Variants in CSN2 observed in about 807,000 individuals in gnomAD.
The protein encoded by CSN2 is casein beta, also known as beta-casein.
Under a neutral mutation model 27.3 loss-of-function variants are expected in CSN2, and 27 were observed. The ratio of observed to expected loss-of-function variants is 0.99; its 90% CI spans 0.73 to 1.36. The LOEUF is 1.36. CSN2 is among the 40% of genes most tolerant of loss of function. The probability of loss-of-function intolerance (pLI) is 0.00; values close to 1 mark genes in which losing one functional copy is unlikely to be tolerated. For missense variants in CSN2, 333 were observed against 264.5 expected (o/e 1.26, Z -1.80); for synonymous variants, 131 against 94.8 (o/e 1.38, Z -2.22).
chr4:69,958,964 A>T lies in CSN2; in HGVS notation c.100-11T>A. On this transcript the variant is annotated splice_polypyrimidine_tract_variant and intron_variant, in intron 4 of 7. Coordinates refer to ENST00000353151, the MANE Select transcript of CSN2 (RefSeq NM_001891.4). The stretch of plus-strand genomic sequence containing the variant: ...CTTCTCAACTTTCTGCTAAAGATAT[A>T]TCATATATAAAGATATGTTACCATC... 6.3e-7 allele frequency: 1 copy of T among 1,591,082 alleles called. No individual in the cohort carries two copies. Among genetic ancestry groups the T allele is most frequent in the Non-Finnish European group, 8.6e-7 (1 of 1,163,440 alleles).
At chr4:69,963,169 T>A (rs1353345699) in intron 1 of CSN2, among the ~76,000 whole-genome samples, 3 of 152,112 alleles carry the variant, frequency 2.0e-5, no homozygotes, top group East Asian at 3.9e-4. Context: ...ATTGTGGAAG[T>A]CAGTGTGGCG....
In CSN2 at chr4:69,962,494, C is replaced by A. The variant is rs1003232975; in HGVS notation, c.-12-1487G>T. ...AAACAAGCAATGGGGAAAGGATTCCCTATTTAATAAATGGTGCTGGGAAAA... is the reference window on the plus strand; with the variant it reads ...AAACAAGCAATGGGGAAAGGATTCCATATTTAATAAATGGTGCTGGGAAAA... On this transcript the variant is annotated intron_variant, in intron 1 of 7. Coordinates refer to ENST00000353151, the MANE Select transcript of CSN2 (RefSeq NM_001891.4). 4.6e-4 allele frequency among the ~76,000 whole-genome samples: 70 copies of A among 152,270 alleles called. 1 individual carries two copies. Among genetic ancestry groups the A allele is most frequent in the African/African-American group, 1.6e-3 (67 of 41,570 alleles).
In CSN2 at chr4:69,957,459, G is replaced by A; in HGVS notation, c.490C>T (p.Pro164Ser). 1 of 1,613,796 alleles carries A rather than the reference G, an allele frequency of 6.2e-7. No homozygotes were observed. The highest frequency in any genetic ancestry group is 1.1e-5 in the South Asian group (1 of 91,072). Residue 164 changes from proline (P) to serine (S), a missense_variant, in exon 6 of 8, where the codon CCC (proline) becomes TCC (serine). Transcript: ENST00000353151. ...GGAACAGACCACAGGGGCTGAGGGG[G>A]AAGTGCAAGAGTCTGAGGAATAGGC... Reference protein sequence around the residue: ...PQPIPQTLALPPQPLWSVPQP... With the variant: ...PQPIPQTLALSPQPLWSVPQP...
chr4:69,957,801 C>T lies in CSN2; in HGVS notation c.148G>A (p.Glu50Lys). The T allele has an allele frequency of 6.2e-7, 1 of 1,609,092 alleles. No individual in the cohort carries two copies. The highest frequency in any genetic ancestry group is 8.5e-7 in the Non-Finnish European group (1 of 1,177,080). Residue 50 changes from glutamate to lysine, a missense_variant, in exon 6 of 8, where the codon GAA becomes AAA. Transcript: ENST00000353151. ...KHEDQQQGED[E>K]HQDKIYPSFQ... ...GAGGGGTAGATTTTATCCTGGTGTTCATCCTGGAAAGAAGGAAAAAGAATC... is the reference window on the plus strand; with the variant it reads ...GAGGGGTAGATTTTATCCTGGTGTTTATCCTGGAAAGAAGGAAAAAGAATC...
intron 5 of CSN2, among the ~76,000 whole-genome samples, chr4:69,958,304 A>T (rs1211554634): frequency 6.6e-6 from 1 of 152,142 alleles, no homozygotes; most frequent in Non-Finnish European, 1.5e-5. Context: ...GTAATTTAAC[A>T]CCGGCCAAAT....
intron 1 of CSN2, among the ~76,000 whole-genome samples, chr4:69,962,297 C>T (rs557815173): frequency 6.6e-6 from 1 of 152,170 alleles, no homozygotes; most frequent in East Asian, 1.9e-4. Flanking sequence ...GCCAAAAGAA[C>T]AAAGCTGGAG....
chr4:69,965,408 C>CTCTATATA (rs1723768655), intron 1 of CSN2, among the ~76,000 whole-genome samples: 1 of 88,130 alleles, frequency 1.1e-5, no homozygotes, highest in African/African-American at 5.0e-5. Flanking sequence ...TAGCCTCATA[C>CTCTATATA]TATATATATA....
At position 69,961,001 on chromosome 4, in the gene CSN2, C is replaced by G. The variant is rs768059121; in HGVS notation, c.-6G>C. ...GCGAGGATGAGGACCTTCATGGCTA[C>G]TAAGTCCTGTGAATGTAGAAAAAAT... On this transcript the variant is annotated 5_prime_UTR_variant, in exon 2 of 8. Coordinates refer to ENST00000353151, the MANE Select transcript of CSN2 (RefSeq NM_001891.4). 1 of 1,611,354 alleles carries G rather than the reference C, an allele frequency of 6.2e-7. No homozygotes were observed.
At chr4:69,960,392 A>T (rs1424793837) in intron 2 of CSN2, among the ~76,000 whole-genome samples, 2 of 151,418 alleles carry the variant, frequency 1.3e-5, no homozygotes, top group African/African-American at 4.8e-5. Context: ...TAATCTATTA[A>T]TATATTTTTA....
At chr4:69,956,208 G>C (rs946231586) in intron 7 of CSN2, 106 bp downstream of exon 7, 1 of 692,016 alleles carries the variant, frequency 1.4e-6, no homozygotes, top group Admixed American at 4.8e-5. Flanking sequence ...AAAAGTTCTT[G>C]TATGTATGAA....
intron 1 of CSN2, 42 bp from the exon 2 acceptor site, chr4:69,961,049 T>C (rs1369169341): frequency 7.1e-7 from 1 of 1,403,194 alleles, no homozygotes; most frequent in Non-Finnish European, 1.0e-6. Flanking sequence ...GATTGGTCAA[T>C]TGGATATACT....
Position 69,957,471 on chromosome 4 carries a change from T to A in CSN2, c.478A>T (p.Thr160Ser), listed in dbSNP as rs1037982412. The part of the protein sequence containing the change: ...MQQVPQPIPQ[T>S]LALPPQPLWS... ...AGGGGCTGAGGGGGAAGTGCAAGAGTCTGAGGAATAGGCTGAGGGACCTGC... is the reference window on the plus strand; with the variant it reads ...AGGGGCTGAGGGGGAAGTGCAAGAGACTGAGGAATAGGCTGAGGGACCTGC... The change falls in exon 6 of 8, where the codon ACT becomes TCT. Residue 160 changes from threonine (T) to serine (S), a missense_variant. Thr to Ser is a moderately conservative substitution (Grantham distance 58). Coordinates refer to ENST00000353151, the MANE Select transcript of CSN2 (RefSeq NM_001891.4). 1 of 1,613,036 alleles carries A rather than the reference T, an allele frequency of 6.2e-7. No homozygotes were observed. The highest frequency in any genetic ancestry group is 8.5e-7 in the Non-Finnish European group (1 of 1,179,832).
At chr4:69,958,454 A>T (rs1299288625) in intron 5 of CSN2, among the ~76,000 whole-genome samples, 1 of 152,186 alleles carries the variant, frequency 6.6e-6, no homozygotes, top group Non-Finnish European at 1.5e-5. Context: ...GAAAATTATA[A>T]TTGGGTAAAC....
At chr4:69,955,763 C>T (rs1409262872) in intron 7 of CSN2, among the ~76,000 whole-genome samples, 171 bp from the exon 8 acceptor site, 3 of 152,054 alleles carry the variant, frequency 2.0e-5, no homozygotes, top group Non-Finnish European at 4.4e-5. Flanking sequence ...CACCAAAGTT[C>T]ATCAAATATT....
intron 1 of CSN2, among the ~76,000 whole-genome samples, chr4:69,964,809 TATATACTA>T (rs1365510595): frequency 1.3e-5 from 2 of 149,608 alleles, no homozygotes; most frequent in African/African-American, 2.4e-5. Context: ...AATGCTAATT[TATATACTA>T]ATATACTAAT....
chr4:69,957,828 T>C (rs1490201161), intron 5 of CSN2, 24 bp from the exon 6 acceptor site: 5 of 1,590,508 alleles, frequency 3.1e-6, no homozygotes, highest in Non-Finnish European at 4.3e-6. Context: ...AAAAGAATCT[T>C]TGAGTCCTTG....
intron 1 of CSN2, 88 bp from the exon 2 acceptor site, chr4:69,961,095 A>C (rs1471341891): frequency 3.9e-6 from 3 of 770,784 alleles, no homozygotes; most frequent in Admixed American, 2.4e-5. Context: ...TATAAAACAA[A>C]AAAAAAAGAG....
chr4:69,956,371 A>G lies in CSN2; in HGVS notation c.676-16T>C. 7.2e-7 allele frequency: 1 copy of G among 1,389,294 alleles called. No homozygotes were observed. The highest frequency in any genetic ancestry group is 9.5e-7 in the Non-Finnish European group (1 of 1,050,032). 86.1% of individuals were successfully genotyped at this position (1,389,294 alleles called of 1,614,324 possible). ...CTTCTTAGACCTTAAAAATAAACAG[A>G]TACAAATAAATAAATAACCTCTTAG... On this transcript the variant is annotated splice_polypyrimidine_tract_variant and intron_variant, in intron 6 of 7. Transcript: ENST00000353151.
chr4:69,959,202 T>C, intron 3 of CSN2, 133 bp from the exon 4 acceptor site: 1 of 719,112 alleles, frequency 1.4e-6, no homozygotes, highest in Admixed American at 3.6e-5. Context: ...ACTTATGTAT[T>C]AAACTGTTCT....
Sources: gnomAD v4.1 joint callset for allele counts (sites outside exome capture counted in the v4.1 genomes callset) on GRCh38, gnomAD v4.1.1 for gene constraint, MANE v1.5 for transcripts, NCBI Gene and HGNC (gene_info 2026-07-23, HGNC 2026-07-21) for gene names.